The following SMOC2 variants were observed in gnomAD, a reference collection of about 807,000 sequenced individuals.
SMOC2 encodes the protein SPARC related modular calcium binding 2.
SMOC2 carries 39 observed loss-of-function variants against 61.4 expected under a neutral mutation model. The observed-to-expected ratio is 0.64, with a 90% CI of 0.49 to 0.83. SMOC2 has a LOEUF of 0.83. SMOC2 is among the 40% of genes least tolerant of loss of function. The pLI is 0.00. For missense variants in SMOC2, 556 were observed against 592.9 expected (o/e 0.94, Z 0.65); for synonymous variants, 247 against 239.9 (o/e 1.03, Z -0.27).
chr6:168,621,234 G>C (rs1176028414), intron 9 of SMOC2, among the ~76,000 whole-genome samples: 1 of 152,198 alleles, frequency 6.6e-6, no homozygotes, highest in Non-Finnish European at 1.5e-5. Context: ...ACACACTTTA[G>C]TGTTTTGAGT....
At chr6:168,464,827 G>C (rs925572015) in intron 1 of SMOC2, among the ~76,000 whole-genome samples, 1 of 152,234 alleles carries the variant, frequency 6.6e-6, no homozygotes, top group Admixed American at 6.5e-5. Context: ...AATAAAAAAA[G>C]TGCCAGGGAG....
chr6:168,490,595 T>G (rs1562553514), intron 1 of SMOC2, among the ~76,000 whole-genome samples: 1 of 152,178 alleles, frequency 6.6e-6, no homozygotes. Context: ...AAATTGCTCC[T>G]TGCAAGCCCC....
At chr6:168,660,836 G>C (rs1414898469) in intron 11 of SMOC2, among the ~76,000 whole-genome samples, 1 of 152,366 alleles carries the variant, frequency 6.6e-6, no homozygotes, top group African/African-American at 2.4e-5. Context: ...AGAATGGATG[G>C]ATTTTGGAGC....
At chr6:168,648,460 G>C (rs1787104000) in intron 9 of SMOC2, among the ~76,000 whole-genome samples, 1 of 152,224 alleles carries the variant, frequency 6.6e-6, no homozygotes, top group Non-Finnish European at 1.5e-5. Context: ...TCCTGCAGCT[G>C]GGGAGCTCAG....
rs551183247 is a variant in SMOC2 at position 168,523,079 on chromosome 6, A to ATTCTTTT, written c.257-3265_257-3264insCTTTTTT. ...TTATGTTATTTGTAGTTGTACAGTA[A>ATTCTTTT]TTTTTTTTTTTTTTTTTTTTGAGAC... On this transcript the variant is annotated intron_variant, in intron 2 of 12. Transcript: ENST00000356284. Among the ~76,000 whole-genome samples the ATTCTTTT allele has an allele frequency of 1.2e-3, 108 of 93,674 alleles. 16 individuals are homozygous for ATTCTTTT. The highest frequency in any genetic ancestry group is 1.6e-3 in the East Asian group (4 of 2,460). The allele number at this position is 93,674 out of a possible 152,430, so 61.5% of individuals were successfully genotyped here.
At chr6:168,666,239 A>C (rs1787658381) in intron 12 of SMOC2, among the ~76,000 whole-genome samples, 182 bp from the exon 13 acceptor site, 1 of 152,166 alleles carries the variant, frequency 6.6e-6, no homozygotes, top group Non-Finnish European at 1.5e-5. Context: ...CAAGGAAGGA[A>C]ACTGTTAAGA....
intron 9 of SMOC2, among the ~76,000 whole-genome samples, chr6:168,608,960 G>A (rs2115205121): frequency 6.6e-6 from 1 of 152,322 alleles, no homozygotes; most frequent in South Asian, 2.1e-4. Flanking sequence ...GAAACTGGAT[G>A]AATTCCGGAT....
At chr6:168,563,000 G>T (rs1201733958) in intron 7 of SMOC2, among the ~76,000 whole-genome samples, 1 of 152,224 alleles carries the variant, frequency 6.6e-6, no homozygotes, top group African/African-American at 2.4e-5. Context: ...TCCCCGGAAC[G>T]GGGGCTGGGA....
intron 2 of SMOC2, among the ~76,000 whole-genome samples, chr6:168,513,847 G>A (rs1174085290): frequency 2.0e-5 from 3 of 152,210 alleles, no homozygotes; most frequent in Non-Finnish European, 4.4e-5. Context: ...GCATCCTCCA[G>A]GTGGGAAGTG....
chr6:168,666,312 C>A, intron 12 of SMOC2, 109 bp from the exon 13 acceptor site: 1 of 1,279,546 alleles, frequency 7.8e-7, no homozygotes, highest in Admixed American at 1.9e-5. Context: ...ACATGACCTG[C>A]CCAGCCCTCT....
At chr6:168,656,656 C>T (rs753020767) in intron 11 of SMOC2, among the ~76,000 whole-genome samples, 2 of 151,722 alleles carry the variant, frequency 1.3e-5, no homozygotes, top group African/African-American at 2.4e-5. Context: ...TGATCATCGT[C>T]TGCCTCCTCT....
intron 9 of SMOC2, among the ~76,000 whole-genome samples, chr6:168,613,493 C>T (rs1274231005): frequency 6.6e-6 from 1 of 152,152 alleles, no homozygotes; most frequent in Non-Finnish European, 1.5e-5. Context: ...AAGAAATGGT[C>T]TTTATTTTGG....
At chr6:168,458,386 A>C (rs183478304) in intron 1 of SMOC2, among the ~76,000 whole-genome samples, 1 of 145,334 alleles carries the variant, frequency 6.9e-6, no homozygotes, top group Non-Finnish European at 1.5e-5. Flanking sequence ...TGGGGGCATC[A>C]TGCTGCCTGC....
intron 9 of SMOC2, among the ~76,000 whole-genome samples, chr6:168,613,911 G>T (rs1320290383): frequency 1.9e-4 from 13 of 69,952 alleles, no homozygotes; most frequent in East Asian, 9.5e-4. Context: ...AGCCAGCACA[G>T]GGGGCCTCTT....
intron 1 of SMOC2, among the ~76,000 whole-genome samples, chr6:168,483,159 TA>T (rs946840450): frequency 1.4e-4 from 21 of 151,844 alleles, no homozygotes; most frequent in East Asian, 3.9e-4. Context: ...TTTTATGTGT[TA>T]AAAAACCCTA....
At chr6:168,525,410 A>C (rs1174149679) in intron 2 of SMOC2, among the ~76,000 whole-genome samples, 1 of 152,134 alleles carries the variant, frequency 6.6e-6, no homozygotes, top group Non-Finnish European at 1.5e-5. Context: ...ACGTGTCTTA[A>C]CCTGGCCCTG....
intron 9 of SMOC2, among the ~76,000 whole-genome samples, chr6:168,649,198 C>T (rs900894076): frequency 6.6e-6 from 1 of 152,240 alleles, no homozygotes; most frequent in African/African-American, 2.4e-5. Flanking sequence ...TCCGCGTCCT[C>T]CACTTACTGA....
At chr6:168,653,455 G>A (rs140602435) in intron 11 of SMOC2, among the ~76,000 whole-genome samples, 1,705 of 152,382 alleles carry the variant, frequency 0.011, 13 homozygotes, top group Non-Finnish European at 0.016. Flanking sequence ...CATGAACTGC[G>A]TGTTGGTTTG....
chr6:168,511,588 C>T (rs1783009671), intron 2 of SMOC2, among the ~76,000 whole-genome samples: 1 of 152,150 alleles, frequency 6.6e-6, no homozygotes, highest in Non-Finnish European at 1.5e-5. Flanking sequence ...TCTCAGAGTG[C>T]ATCCCTGTCA....
Sources: allele counts gnomAD v4.1 joint callset (sites outside exome capture counted in the v4.1 genomes callset), GRCh38; gene constraint gnomAD v4.1.1; transcripts MANE v1.5; gene names NCBI Gene and HGNC (gene_info 2026-07-23, HGNC 2026-07-21).